PTPRG: variants seen among roughly 807,000 people sequenced by gnomAD.
PTPRG encodes the protein receptor-type tyrosine-protein phosphatase gamma.
In PTPRG, 102 loss-of-function variants were observed where a neutral mutation model predicts 165.3. That is an observed-to-expected ratio of 0.62 (90% CI 0.53 to 0.73). The LOEUF is 0.73. Ranked by LOEUF, PTPRG falls within the 30% of genes least tolerant of loss-of-function variation. The probability of loss-of-function intolerance (pLI) is 0.00; values close to 1 mark genes in which losing one functional copy is unlikely to be tolerated. For missense variants in PTPRG, 1,866 were observed against 1,861.4 expected, an observed-to-expected ratio of 1.00 and a Z score of -0.05; for synonymous variants, 675 against 669.5, an observed-to-expected ratio of 1.01 and a Z score of -0.13.
chr3:61,695,313 T>C (rs1193132512), intron 1 of PTPRG, among the ~76,000 whole-genome samples: 1 of 151,992 alleles, frequency 6.6e-6, no homozygotes, highest in African/African-American at 2.4e-5. Context: ...GCCTGGCGTG[T>C]TTGGCTTTTT....
intron 1 of PTPRG, among the ~76,000 whole-genome samples, chr3:61,684,460 CTCT>C (rs1703555712): frequency 6.6e-6 from 1 of 152,176 alleles, no homozygotes; most frequent in African/African-American, 2.4e-5. Flanking sequence ...TGTGGGTTTT[CTCT>C]GAGCCAGTAT....
chr3:61,598,655 C>T (rs1409749212), intron 1 of PTPRG, among the ~76,000 whole-genome samples: 1 of 152,064 alleles, frequency 6.6e-6, no homozygotes, highest in Non-Finnish European at 1.5e-5. Context: ...GCTAGGGCCC[C>T]TGTAACAAAG....
chr3:62,204,320 GGTGCCAGGGACTGGGCAGGGTGCT>G (rs1337881098), intron 12 of PTPRG, among the ~76,000 whole-genome samples: 1 of 152,122 alleles, frequency 6.6e-6, no homozygotes, highest in African/African-American at 2.4e-5. Flanking sequence ...TGGCTAGTTT[GGTGCCAGGGACTGGGCAGGGTGCT>G]GTCCCAGGGG....
chr3:61,639,376 GCTTTGGCTATTCGGGAT>G (rs1355898421), intron 1 of PTPRG, among the ~76,000 whole-genome samples: 3 of 152,130 alleles, frequency 2.0e-5, no homozygotes, highest in Non-Finnish European at 4.4e-5. Context: ...GCTTAAGATT[GCTTTGGCTATTCGGGAT>G]CTTTTTTGGT....
At chr3:62,226,350 A>G (rs1040145598) in intron 13 of PTPRG, among the ~76,000 whole-genome samples, 2 of 152,244 alleles carry the variant, frequency 1.3e-5, no homozygotes, top group Admixed American at 1.3e-4. Flanking sequence ...TTGGAAGGCC[A>G]GATATAAATC....
At chr3:61,799,245 T>G (rs1330436574) in intron 2 of PTPRG, among the ~76,000 whole-genome samples, 1 of 151,924 alleles carries the variant, frequency 6.6e-6, no homozygotes, top group Non-Finnish European at 1.5e-5. Flanking sequence ...GTTGGTACAT[T>G]TATCACCAGT....
chr3:62,164,534 A>G (rs938210108), intron 7 of PTPRG, among the ~76,000 whole-genome samples: 3 of 152,122 alleles, frequency 2.0e-5, no homozygotes, highest in Non-Finnish European at 2.9e-5. Context: ...CCTCTTTTGT[A>G]TGACTGTCAA....
intron 8 of PTPRG, among the ~76,000 whole-genome samples, chr3:62,169,169 A>G (rs1705118273): frequency 6.6e-6 from 1 of 152,030 alleles, no homozygotes; most frequent in Non-Finnish European, 1.5e-5. Context: ...GAAAACAGGA[A>G]TGTCTGTTTT....
At chr3:62,051,753 G>A (rs984132481) in intron 4 of PTPRG, among the ~76,000 whole-genome samples, 2 of 152,190 alleles carry the variant, frequency 1.3e-5, no homozygotes, top group African/African-American at 4.8e-5. Context: ...AGAAAGCTGT[G>A]TTAATATTTG....
chr3:61,987,825 C>T (rs1002582078), intron 2 of PTPRG, among the ~76,000 whole-genome samples: 3 of 152,098 alleles, frequency 2.0e-5, no homozygotes, highest in Non-Finnish European at 4.4e-5. Context: ...TAGAGCCATT[C>T]CTTACGTCTC....
In PTPRG at chr3:62,007,082, GT is replaced by G. The variant is rs533882223; in HGVS notation, c.519+3586del. Among the ~76,000 whole-genome samples the G allele has an allele frequency of 8.4e-3, 1,276 of 152,270 alleles. 26 individuals are homozygous for G. Among genetic ancestry groups the G allele is most frequent in the African/African-American group, 0.03 (1,226 of 41,536 alleles). On this transcript the variant is annotated intron_variant, in intron 4 of 29. Coordinates refer to ENST00000474889, the MANE Select transcript of PTPRG (RefSeq NM_002841.4). Reference sequence around the variant, plus strand: ...TTCTTTAGTATCTACTTGAGATGCAGTCACGACCTTGGGAATTTTAACAGCT... The same window carrying G: ...TTCTTTAGTATCTACTTGAGATGCAGCACGACCTTGGGAATTTTAACAGCT...
At chr3:62,089,544 A>G (rs775496264) in intron 5 of PTPRG, among the ~76,000 whole-genome samples, 11 of 152,306 alleles carry the variant, frequency 7.2e-5, no homozygotes, top group African/African-American at 1.4e-4. Flanking sequence ...CAGAATCTCA[A>G]TGTGATATAG....
chr3:62,040,689 G>A (rs1263249864), intron 4 of PTPRG, among the ~76,000 whole-genome samples: 6 of 143,960 alleles, frequency 4.2e-5, no homozygotes, highest in African/African-American at 5.1e-5. Flanking sequence ...TGATCCGTCC[G>A]CCTTGGCCTT....
chr3:62,036,072 G>A lies in PTPRG; in HGVS notation c.519+32575G>A, dbSNP rs1325046556. The stretch of plus-strand genomic sequence containing the variant: ...AAAAAAAAAAAAAAATCCTGCCACT[G>A]TGGAGCTTCTATTCTAGCAAGGGGT... On this transcript the variant is annotated intron_variant, in intron 4 of 29. Transcript: ENST00000474889. Among the ~76,000 whole-genome samples, 5 of 151,288 alleles carry A rather than the reference G, an allele frequency of 3.3e-5. No homozygotes were observed. The East Asian group carries it at 5.8e-4, about 18-fold the overall frequency.
intron 2 of PTPRG, among the ~76,000 whole-genome samples, chr3:61,941,230 A>G (rs1336741533): frequency 4.6e-5 from 7 of 152,276 alleles, no homozygotes; most frequent in African/African-American, 9.6e-5. Flanking sequence ...AACATGCTTC[A>G]TCCATGTAAA....
intron 4 of PTPRG, among the ~76,000 whole-genome samples, chr3:62,040,452 G>A (rs904512039): frequency 2.6e-5 from 4 of 152,122 alleles, no homozygotes; most frequent in African/African-American, 4.8e-5. Context: ...GAAGTTGCAC[G>A]TGAGTCCAGT....
chr3:61,927,633 G>A (rs1012024891), intron 2 of PTPRG, among the ~76,000 whole-genome samples: 45 of 152,162 alleles, frequency 3.0e-4, no homozygotes, highest in African/African-American at 1.0e-3. Context: ...GTGTGAGTCT[G>A]CAAAATGATC....
intron 1 of PTPRG, among the ~76,000 whole-genome samples, chr3:61,577,821 G>T (rs576109638): frequency 6.6e-6 from 1 of 152,184 alleles, no homozygotes; most frequent in African/African-American, 2.4e-5. Flanking sequence ...AAAATGTAGG[G>T]CTAAGAGAAA....
chr3:61,677,230 G>C (rs1703264719), intron 1 of PTPRG, among the ~76,000 whole-genome samples: 3 of 145,112 alleles, frequency 2.1e-5, no homozygotes, highest in Admixed American at 7.0e-5. Context: ...GGGTGACAGA[G>C]CGAGACTCCG....
Sources: gnomAD v4.1 joint callset for allele counts (sites outside exome capture counted in the v4.1 genomes callset) on GRCh38, gnomAD v4.1.1 for gene constraint, MANE v1.5 for transcripts, NCBI Gene and HGNC (gene_info 2026-07-23, HGNC 2026-07-21) for gene names.